The following NRROS variants were observed in gnomAD, a reference collection of about 807,000 sequenced individuals.
The protein encoded by NRROS is transforming growth factor beta activator LRRC33.
Under a neutral mutation model 12.0 loss-of-function variants are expected in NRROS, and 6 were observed. That is an observed-to-expected ratio of 0.50 (90% CI 0.27 to 0.98). The LOEUF is 0.98. Ranked by LOEUF, NRROS falls within the 50% of genes least tolerant of loss-of-function variation. The pLI is 0.11. For missense variants in NRROS, 857 were observed against 888.2 expected, an observed-to-expected ratio of 0.96 and a Z score of 0.45; for synonymous variants, 462 against 410.2, an observed-to-expected ratio of 1.13 and a Z score of -1.53.
intron 1 of NRROS, among the ~76,000 whole-genome samples, chr3:196,651,177 C>T (rs1336911497): frequency 6.6e-6 from 1 of 152,204 alleles, no homozygotes; most frequent in Non-Finnish European, 1.5e-5. Flanking sequence ...TGCAGCTACA[C>T]ACTCTACGAA....
In NRROS at chr3:196,660,448, C is replaced by T; in HGVS notation, c.805C>T (p.Pro269Ser). The T allele has an allele frequency of 6.2e-7, 1 of 1,613,990 alleles. No individual in the cohort carries two copies. The highest frequency in any genetic ancestry group is 8.5e-7 in the Non-Finnish European group (1 of 1,179,912). The change falls in exon 3 of 3, where the codon CCC becomes TCC. Residue 269 changes from proline (P) to serine (S), a missense_variant. Transcript: ENST00000328557. This position sits in a 1 kb window ranked among gnomAD's most constrained non-coding sequence, Gnocchi z 7.7. Reference sequence around the variant, plus strand: ...CCAGCTGCTGTTCTTCCCGCTGCTGCCCCAGTACAGCAAGTTGCGGACCCT... The same window carrying T: ...CCAGCTGCTGTTCTTCCCGCTGCTGTCCCAGTACAGCAAGTTGCGGACCCT... The part of the protein sequence containing the change: ...HNQLLFFPLL[P>S]QYSKLRTLLL...
intron 1 of NRROS, among the ~76,000 whole-genome samples, chr3:196,648,708 A>T (rs1283405882): frequency 7.0e-6 from 1 of 142,416 alleles, no homozygotes; most frequent in Non-Finnish European, 1.5e-5. Context: ...GGAGGTTGCA[A>T]TGAGCCGAGA....
chr3:196,660,802 C>T lies in NRROS; in HGVS notation c.1159C>T (p.Gln387Ter). Residue 387 changes from glutamine to a stop codon, truncating the protein, a stop_gained, in exon 3 of 3, where the codon CAG becomes TAG. Coordinates refer to ENST00000328557, the MANE Select transcript of NRROS (RefSeq NM_198565.3). LOFTEE classifies it low-confidence loss of function (END_TRUNC). This position sits in a 1 kb window ranked among gnomAD's most constrained non-coding sequence, Gnocchi z 7.7. The stretch of plus-strand genomic sequence containing the variant: ...CACCGAGCTGGACCTGAGCCACAAC[C>T]AGCTGTCGGAGCTGCACCTGGCTCC... ...ALTELDLSHN[Q>*]LSELHLAPGL... is the part of the protein sequence containing the mutation. 6.2e-7 allele frequency: 1 copy of T among 1,613,782 alleles called. No individual in the cohort carries two copies. The highest frequency in any genetic ancestry group is 8.5e-7 in the Non-Finnish European group (1 of 1,180,036).
rs184080240 is a variant in NRROS at position 196,650,246 on chromosome 3, C to T, written c.-13-4281C>T. ...CACTGCAGCCTCCACCTCCCAGGTTCGATTGTCCTGCCTCAGCCTCCCGAG... is the reference window on the plus strand; with the variant it reads ...CACTGCAGCCTCCACCTCCCAGGTTTGATTGTCCTGCCTCAGCCTCCCGAG... On this transcript the variant is annotated intron_variant, in intron 1 of 2. Coordinates refer to ENST00000328557, the MANE Select transcript of NRROS (RefSeq NM_198565.3). 3.3e-3 allele frequency among the ~76,000 whole-genome samples: 497 copies of T among 152,296 alleles called. 6 individuals carry two copies. The highest frequency in any genetic ancestry group is 0.011 in the African/African-American group (469 of 41,562).
rs966089285 is a variant in NRROS at position 196,654,717 on chromosome 3, T to C, written c.108+70T>C. The C allele has an allele frequency of 1.0e-6, 1 of 957,096 alleles. No homozygotes were observed. 59.3% of individuals were successfully genotyped at this position (957,096 alleles called of 1,614,324 possible). On this transcript the variant is annotated intron_variant, in intron 2 of 2. Coordinates refer to ENST00000328557, the MANE Select transcript of NRROS (RefSeq NM_198565.3). The surrounding 1 kb of genome is among the most constrained non-coding windows in gnomAD (Gnocchi z 4.4). ...ACAAGGCTTGGTCCATTTGGAAAGCTGACAGATTGTCCATCAGGAAGGGCA... is the reference window on the plus strand; with the variant it reads ...ACAAGGCTTGGTCCATTTGGAAAGCCGACAGATTGTCCATCAGGAAGGGCA...
In NRROS at chr3:196,660,721, C is replaced by T. The variant is rs771866016; in HGVS notation, c.1078C>T (p.His360Tyr). 1.9e-6 allele frequency: 3 copies of T among 1,614,186 alleles called. No individual in the cohort carries two copies. The South Asian group carries it at 3.3e-5, about 18-fold the overall frequency. Residue 360 changes from histidine (H) to tyrosine (Y), a missense_variant, in exon 3 of 3, where the codon CAC becomes TAC. Transcript: ENST00000328557. This position sits in a 1 kb window ranked among gnomAD's most constrained non-coding sequence, Gnocchi z 7.7. ...GCCTTCCCTCTCCCACCTGAACCTCCACCAGAATTGCCTGATGACGCTTCA... is the reference window on the plus strand; with the variant it reads ...GCCTTCCCTCTCCCACCTGAACCTCTACCAGAATTGCCTGATGACGCTTCA... ...KMPSLSHLNL[H>Y]QNCLMTLHIR...
In NRROS at chr3:196,661,787, T is replaced by C; in HGVS notation, c.*65T>C. 1 of 1,403,656 alleles carries C rather than the reference T, an allele frequency of 7.1e-7. No homozygotes were observed. Among genetic ancestry groups the C allele is most frequent in the Non-Finnish European group, 9.6e-7 (1 of 1,040,592 alleles). 87.0% of individuals were successfully genotyped at this position (1,403,656 alleles called of 1,614,324 possible). A position where few individuals can be genotyped will look rare whatever the true frequency, so the allele number is the denominator to read the frequency against. ...AACAGGACACTTTCTCTGCCAGCTT[T>C]CAAGATGTGATGCAGAGGCCAAGTC... is the stretch of plus-strand genomic sequence containing the variant. On this transcript the variant is annotated 3_prime_UTR_variant, in exon 3 of 3. Coordinates refer to ENST00000328557, the MANE Select transcript of NRROS (RefSeq NM_198565.3).
chr3:196,655,273 G>A (rs1737513808), intron 2 of NRROS, among the ~76,000 whole-genome samples: 1 of 148,166 alleles, frequency 6.7e-6, no homozygotes, highest in Non-Finnish European at 1.5e-5. Flanking sequence ...GGTGGCTCAC[G>A]CCTGTCATCC....
In NRROS at chr3:196,660,243, T is replaced by C. The variant is rs1012351977; in HGVS notation, c.600T>C (p.Ala200=). The C allele has an allele frequency of 3.7e-6, 6 of 1,613,644 alleles. No individual in the cohort carries two copies. In the South Asian group the frequency reaches 6.6e-5, roughly 18 times the overall value. Residue 200 remains alanine, a synonymous_variant, in exon 3 of 3, where the codon GCT becomes GCC. Coordinates refer to ENST00000328557, the MANE Select transcript of NRROS (RefSeq NM_198565.3). The surrounding 1 kb of genome is among the most constrained non-coding windows in gnomAD (Gnocchi z 7.7). ...ACATCTTCGAGATCGAGGGCGGCGC[T>C]TTCGACGGCCTGGCTGAGCTGAGGC... ...RNYIFEIEGG[A]FDGLAELRHL...
chr3:196,640,038 T>G (rs1463661193), intron 1 of NRROS, among the ~76,000 whole-genome samples, 163 bp downstream of exon 1: 1 of 152,210 alleles, frequency 6.6e-6, no homozygotes, highest in Non-Finnish European at 1.5e-5. Context: ...CCGCCGCTTT[T>G]GTGCTGGGCG....
In NRROS at chr3:196,660,935, T is replaced by G; in HGVS notation, c.1292T>G (p.Leu431Arg). Residue 431 changes from leucine (L) to arginine (R), a missense_variant, in exon 3 of 3, where the codon CTT becomes CGT. Coordinates refer to ENST00000328557, the MANE Select transcript of NRROS (RefSeq NM_198565.3). This position sits in a 1 kb window ranked among gnomAD's most constrained non-coding sequence, Gnocchi z 7.7. Reference sequence around the variant, plus strand: ...GCCAATGCTAGGAACATCACTACACTTGACATGAGCCACAATCAGATCTCA... The same window carrying G: ...GCCAATGCTAGGAACATCACTACACGTGACATGAGCCACAATCAGATCTCA... ...LFANARNITT[L>R]DMSHNQISLC... 1 of 1,614,180 alleles carries G rather than the reference T, an allele frequency of 6.2e-7. No individual in the cohort carries two copies. The highest frequency in any genetic ancestry group is 1.1e-5 in the South Asian group (1 of 91,088).
At chr3:196,647,626 T>G (rs1737336801) in intron 1 of NRROS, among the ~76,000 whole-genome samples, 1 of 152,250 alleles carries the variant, frequency 6.6e-6, no homozygotes, top group South Asian at 2.1e-4. Context: ...TGGCATGATC[T>G]CGGCTCACTG....
Position 196,653,505 on chromosome 3 carries a change from A to C in NRROS, c.-13-1022A>C, listed in dbSNP as rs116538604. Among the ~76,000 whole-genome samples, 1,255 of 152,332 alleles carry C rather than the reference A, an allele frequency of 8.2e-3. 14 individuals carry two copies. The highest frequency in any genetic ancestry group is 0.049 in the South Asian group (237 of 4,828). On this transcript the variant is annotated intron_variant, in intron 1 of 2. Transcript: ENST00000328557. ...GACACTGGGCCTCCGGTAGGTGTCA[A>C]GGAATGGGCAGATGGAATGCTGGGG...
chr3:196,659,212 G>A (rs11915746), intron 2 of NRROS, among the ~76,000 whole-genome samples: 127,528 of 151,596 alleles, frequency 0.84, 53,724 homozygotes, highest in Middle Eastern at 0.91. Flanking sequence ...CTCCAGTCCC[G>A]GCACAGCCAC....
chr3:196,659,718 T>G (rs371891277), intron 2 of NRROS, 34 bp from the exon 3 acceptor site: 1 of 1,575,428 alleles, frequency 6.3e-7, no homozygotes. Context: ...CCTCTGGGCC[T>G]CCTCGCTGCT....
intron 2 of NRROS, among the ~76,000 whole-genome samples, chr3:196,655,426 T>G (rs1201111059): frequency 6.6e-6 from 1 of 151,566 alleles, no homozygotes; most frequent in African/African-American, 2.4e-5. Flanking sequence ...TTCCAGCTAC[T>G]TGGGAAGCTG....
chr3:196,646,587 C>T (rs965883824), intron 1 of NRROS, among the ~76,000 whole-genome samples: 1 of 152,210 alleles, frequency 6.6e-6, no homozygotes, highest in South Asian at 2.1e-4. Flanking sequence ...GTAGGGAAGC[C>T]AGTTGGCTTA....
chr3:196,660,735 G>A lies in NRROS; in HGVS notation c.1092G>A (p.Leu364=), dbSNP rs781642014. The change falls in exon 3 of 3, where the codon CTG becomes CTA. Residue 364 remains leucine, a synonymous_variant. Coordinates refer to ENST00000328557, the MANE Select transcript of NRROS (RefSeq NM_198565.3). This position sits in a 1 kb window ranked among gnomAD's most constrained non-coding sequence, Gnocchi z 7.7. ...ACCTGAACCTCCACCAGAATTGCCT[G>A]ATGACGCTTCACATTCGGGAGCACG... is the stretch of plus-strand genomic sequence containing the variant. The part of the protein sequence containing the change: ...LSHLNLHQNC[L]MTLHIREHEP... The A allele has an allele frequency of 3.7e-6, 6 of 1,614,112 alleles. No homozygotes were observed. The Admixed American group carries it at 5.0e-5, about 13-fold the overall frequency.
In NRROS at chr3:196,661,594, C is replaced by G. The variant is rs1168719191; in HGVS notation, c.1951C>G (p.Leu651Val). 1.9e-6 allele frequency: 3 copies of G among 1,613,756 alleles called. No individual in the cohort carries two copies. Among genetic ancestry groups the G allele is most frequent in the Admixed American group, 3.3e-5 (2 of 60,026 alleles). The change falls in exon 3 of 3, where the codon CTC becomes GTC. Residue 651 changes from leucine to valine, a missense_variant. Transcript: ENST00000328557. Reference sequence around the variant, plus strand: ...GTGGGAGCGGCTGGACCTGGGCCTGCTCTACCTCGTGCTCATCCTCCCCAG... The same window carrying G: ...GTGGGAGCGGCTGGACCTGGGCCTGGTCTACCTCGTGCTCATCCTCCCCAG... ...CKWERLDLGL[L>V]YLVLILPSCL...
Sources: gnomAD v4.1 joint callset for allele counts (sites outside exome capture counted in the v4.1 genomes callset) on GRCh38, gnomAD v4.1.1 for gene constraint, Gnocchi (gnomAD v3.1) non-coding constraint, MANE v1.5 for transcripts, NCBI Gene and HGNC (gene_info 2026-07-23, HGNC 2026-07-21) for gene names.